Variants in LAMA4 observed in about 807,000 individuals in gnomAD.
The protein encoded by LAMA4 is laminin subunit alpha 4, also known as laminin subunit alpha-4.
A neutral mutation model predicts 207.1 loss-of-function variants in LAMA4; 127 were observed. The ratio of observed to expected loss-of-function variants is 0.61; its 90% confidence interval spans 0.53 to 0.71. The LOEUF is 0.71. LAMA4 is among the 30% of genes least tolerant of loss of function. The pLI, the probability that LAMA4 is intolerant of heterozygous loss-of-function variation, is 0.00. For synonymous variants in LAMA4, 761 were observed against 816.0 expected (o/e 0.93, Z 1.15); for missense variants, 2,093 against 2,246.5 (o/e 0.93, Z 1.38).
chr6:112,128,913 A>T lies in LAMA4; in HGVS notation c.4287+9T>A. ...ACAATTAGGAAGTCAGAACGGCATT[A>T]TCTTTTACCTTTTTATTCTGACTTG... On this transcript the variant is annotated intron_variant, in intron 31 of 38. Coordinates refer to ENST00000230538, the MANE Select transcript of LAMA4 (RefSeq NM_001105206.3). 6.2e-7 allele frequency: 1 copy of T among 1,611,472 alleles called. No homozygotes were observed. Among genetic ancestry groups the T allele is most frequent in the Non-Finnish European group, 8.5e-7 (1 of 1,177,898 alleles).
At chr6:112,175,613 C>T (rs576469684) in intron 10 of LAMA4, 133 bp from the exon 11 acceptor site, 31 of 867,710 alleles carry the variant, frequency 3.6e-5, no homozygotes, top group African/African-American at 2.3e-4. Flanking sequence ...TCAAAAGCAG[C>T]GTGCTAGTGT....
chr6:112,251,765 A>G, intron 2 of LAMA4, among the ~76,000 whole-genome samples: 1 of 152,368 alleles, frequency 6.6e-6, no homozygotes, highest in Admixed American at 6.5e-5. Context: ...ATGTGAAACT[A>G]TGCAGTGGGA....
At chr6:112,164,258 T>C (rs1305340864) in intron 13 of LAMA4, 1 of 152,314 alleles carries the variant, frequency 6.6e-6, no homozygotes, top group Non-Finnish European at 1.5e-5. Flanking sequence ...AGAAAGGACA[T>C]GAGAGGGGTA....
intron 3 of LAMA4, among the ~76,000 whole-genome samples, chr6:112,209,234 T>C (rs1784234185): frequency 6.6e-6 from 1 of 152,176 alleles, no homozygotes; most frequent in Non-Finnish European, 1.5e-5. Context: ...AGCCCCTCTC[T>C]GCAGAAGAAA....
At chr6:112,175,236 C>T in intron 11 of LAMA4, 77 bp downstream of exon 11, 13 of 1,401,904 alleles carry the variant, frequency 9.3e-6, no homozygotes, top group Non-Finnish European at 1.3e-5. Context: ...ATATGTTGCC[C>T]TAGGTTTAAT....
chr6:112,167,848 A>G (rs1287997222), intron 12 of LAMA4, among the ~76,000 whole-genome samples: 1 of 30,826 alleles, frequency 3.2e-5, no homozygotes, highest in African/African-American at 9.8e-5. Flanking sequence ...CATCACACAC[A>G]CACACACACA....
At chr6:112,206,869 AC>A in intron 4 of LAMA4, 151 bp downstream of exon 4, 2 of 871,494 alleles carry the variant, frequency 2.3e-6, no homozygotes, top group Non-Finnish European at 3.6e-6. Flanking sequence ...TGGACTAGAA[AC>A]TTTTTCTATA....
chr6:112,116,035 C>G, intron 35 of LAMA4, 42 bp from the exon 36 acceptor site: 2 of 1,574,724 alleles, frequency 1.3e-6, no homozygotes, highest in Non-Finnish European at 1.7e-6. Flanking sequence ...ACAGCAAGAT[C>G]ATATTTGTAA....
rs540382485 is a variant in LAMA4 at position 112,164,789 on chromosome 6, G to A, written c.1668+371C>T. ...GTGAAGAGTGAGTAGGATGGATCGA[G>A]AGCAGCATTTTCAATAGAACTCTCT... On this transcript the variant is annotated intron_variant, in intron 13 of 38. Transcript: ENST00000230538. Among the ~76,000 whole-genome samples, 42 of 152,302 alleles carry A rather than the reference G, an allele frequency of 2.8e-4. 1 individual carries two copies. In the South Asian group the frequency reaches 5.8e-3, roughly 21 times the overall value.
rs144629320 is a variant in LAMA4 at position 112,187,372 on chromosome 6, G to C, written c.966+78C>G. The stretch of plus-strand genomic sequence containing the variant: ...CAGGTATGAGACTCAGATACAAAAA[G>C]GGGTAGAAGGAATTACTAGCTGCGG... On this transcript the variant is annotated intron_variant, in intron 8 of 38. Coordinates refer to ENST00000230538, the MANE Select transcript of LAMA4 (RefSeq NM_001105206.3). 0.011 allele frequency: 17,388 copies of C among 1,524,394 alleles called. 202 individuals carry two copies. The highest frequency in any genetic ancestry group is 0.012 in the Non-Finnish European group (13,088 of 1,099,506). The allele number at this position is 1,524,394 out of a possible 1,614,324, so 94.4% of individuals were successfully genotyped here.
At chr6:112,165,336 G>A (rs1781325792) in intron 12 of LAMA4, 60 bp from the exon 13 acceptor site, 2 of 1,114,304 alleles carry the variant, frequency 1.8e-6, no homozygotes, top group Non-Finnish European at 2.8e-6. Context: ...AAGCGTTGGG[G>A]AGAGCAGTAA....
At chr6:112,114,234 G>A (rs1777879985) in intron 37 of LAMA4, 39 bp from the exon 38 acceptor site, 1 of 1,598,592 alleles carries the variant, frequency 6.3e-7, no homozygotes, top group African/African-American at 1.4e-5. Flanking sequence ...AGTGGCACTG[G>A]AGTGATGAAT....
Position 112,108,118 on chromosome 6 carries a change from C to G in LAMA4, c.*1319G>C, listed in dbSNP as rs1001026713. Among the ~76,000 whole-genome samples, 3 of 152,058 alleles carry G rather than the reference C, an allele frequency of 2.0e-5. No homozygotes were observed. Among genetic ancestry groups the G allele is most frequent in the Admixed American group, 2.0e-4 (3 of 15,252 alleles). ...TACCAATATGTAATATATATATAATCATTTCAAGGTAACATTGTTTTATTC... is the reference window on the plus strand; with the variant it reads ...TACCAATATGTAATATATATATAATGATTTCAAGGTAACATTGTTTTATTC... On this transcript the variant is annotated 3_prime_UTR_variant, in exon 39 of 39. Coordinates refer to ENST00000230538, the MANE Select transcript of LAMA4 (RefSeq NM_001105206.3).
At chr6:112,115,735 G>A in intron 36 of LAMA4, 128 bp downstream of exon 36, 2 of 1,032,218 alleles carry the variant, frequency 1.9e-6, no homozygotes, top group South Asian at 1.3e-5. Flanking sequence ...TACATTTCAT[G>A]TTATAGCTTT....
At chr6:112,231,858 G>A (rs1554364554) in intron 2 of LAMA4, among the ~76,000 whole-genome samples, 2 of 152,158 alleles carry the variant, frequency 1.3e-5, no homozygotes, top group Non-Finnish European at 2.9e-5. Context: ...CAACACTAAG[G>A]AAGGCTATAC....
intron 24 of LAMA4, among the ~76,000 whole-genome samples, chr6:112,138,403 G>A (rs1215543183): frequency 6.6e-6 from 1 of 152,050 alleles, no homozygotes; most frequent in African/African-American, 2.4e-5. Context: ...ACTGGACTTA[G>A]GACAAGACTT....
intron 38 of LAMA4, among the ~76,000 whole-genome samples, chr6:112,109,889 CCTA>C (rs1378334498): frequency 6.6e-6 from 1 of 152,092 alleles, no homozygotes; most frequent in Non-Finnish European, 1.5e-5. Context: ...TCATGATCTA[CCTA>C]TGTTTTTTAA....
intron 11 of LAMA4, 85 bp downstream of exon 11, chr6:112,175,228 A>G (rs1186729133): frequency 1.5e-6 from 2 of 1,304,420 alleles, no homozygotes; most frequent in African/African-American, 2.9e-5. Flanking sequence ...CTTTGATTAT[A>G]TGTTGCCCTA....
At chr6:112,198,578 T>C (rs782437018) in intron 5 of LAMA4, among the ~76,000 whole-genome samples, 4 of 152,160 alleles carry the variant, frequency 2.6e-5, no homozygotes, top group Non-Finnish European at 5.9e-5. Context: ...CTCAGTTTCC[T>C]CATCTGCAAG....
Sources: allele counts gnomAD v4.1 joint callset (sites outside exome capture counted in the v4.1 genomes callset), GRCh38; gene constraint gnomAD v4.1.1; transcripts MANE v1.5; gene names NCBI Gene and HGNC (gene_info 2026-07-23, HGNC 2026-07-21).